Variants in CDH24 observed in about 807,000 individuals in gnomAD.
CDH24 encodes cadherin-24.
CDH24 carries 61 observed loss-of-function variants against 71.2 expected under a neutral mutation model. That is an observed-to-expected ratio of 0.86 (90% CI 0.70 to 1.06). The LOEUF (loss-of-function observed/expected upper bound fraction) is 1.06. Among genes scored for constraint, CDH24 ranks in the 50% least tolerant of loss-of-function variants. The probability of loss-of-function intolerance (pLI) is 0.00; values close to 1 mark genes in which losing one functional copy is unlikely to be tolerated. For missense variants in CDH24, 961 were observed against 1,083.7 expected, an observed-to-expected ratio of 0.89 and a Z score of 1.59; for synonymous variants, 440 against 470.2, an observed-to-expected ratio of 0.94 and a Z score of 0.83.
rs558066396 is a variant in CDH24 at position 23,049,687 on chromosome 14, G to A, written c.1537C>T (p.His513Tyr). Residue 513 changes from histidine to tyrosine, a missense_variant, in exon 10 of 13, where the codon CAT becomes TAT. Physicochemically the swap from His to Tyr is moderately conservative, Grantham distance 83. Around this residue, in one of 2 missense-constraint regions of CDH24, gnomAD observed 671 missense variants for 810.9 expected, o/e 0.83. Coordinates refer to ENST00000487137, the MANE Select transcript of CDH24 (RefSeq NM_144985.4). ...CCCAGAGGACCTTGAAAGGAGACAT[G>A]GCTACTGTTGCCAACTTCATCTCTG... ...LDRDEVGNSS[H>Y]VSFQGPLGPD... 1.2e-6 allele frequency: 2 copies of A among 1,611,866 alleles called. No individual in the cohort carries two copies. Among genetic ancestry groups the A allele is most frequent in the African/African-American group, 1.3e-5 (1 of 75,012 alleles).
intron 1 of CDH24, among the ~76,000 whole-genome samples, chr14:23,056,644 G>A (rs2047132740): frequency 6.6e-6 from 1 of 152,212 alleles, no homozygotes; most frequent in Admixed American, 6.5e-5. Context: ...GGAGTCCTAG[G>A]GGCCAGGCTT....
Position 23,055,284 on chromosome 14 carries a change from C to A in CDH24, c.271G>T (p.Val91Leu), listed in dbSNP as rs147486818. The change falls in exon 3 of 13, where the codon GTA becomes TTA. Residue 91 changes from valine (V) to leucine (L), a missense_variant. Physicochemically the swap from Val to Leu is conservative, Grantham distance 32. Transcript: ENST00000487137. This position sits in a 1 kb window ranked among gnomAD's most constrained non-coding sequence, Gnocchi z 4.1. Reference sequence around the variant, plus strand: ...CCTGTGGCCTCATCAATCACAAATACGGTGCCTGCCCCCTCCCCGGTCAAC... The same window carrying A: ...CCTGTGGCCTCATCAATCACAAATAAGGTGCCTGCCCCCTCCCCGGTCAAC... ...YLLTGEGAGT[V>L]FVIDEATGNI... 3 of 1,613,200 alleles carry A rather than the reference C, an allele frequency of 1.9e-6. No homozygotes were observed. Among genetic ancestry groups the A allele is most frequent in the Non-Finnish European group, 2.5e-6 (3 of 1,179,320 alleles).
intron 8 of CDH24, 75 bp downstream of exon 8, chr14:23,052,397 CT>C (rs2047091284): frequency 6.5e-7 from 1 of 1,538,686 alleles, no homozygotes; most frequent in African/African-American, 1.4e-5. Context: ...AGTTAGCACC[CT>C]TCTCCACCCC....
In CDH24 at chr14:23,055,664, G is replaced by C. The variant is rs745507914; in HGVS notation, c.70C>G (p.Pro24Ala). ...GWGCMGRLAA[P>A]ARAWAGSREH... is the part of the protein sequence containing the mutation. ...CGGGACCCTGCCCAGGCCCGGGCTG[G>C]GGCTGCCAGACGCCCCATGCAGCCC... The change falls in exon 2 of 13, where the codon CCA becomes GCA. Residue 24 changes from proline to alanine, a missense_variant. By Grantham distance (27) the Pro-to-Ala change is conservative. This residue lies in a region of CDH24 where 671 missense variants were observed against 810.9 expected (regional missense o/e 0.83). Transcript: ENST00000487137. The surrounding 1 kb of genome is among the most constrained non-coding windows in gnomAD (Gnocchi z 4.1). The C allele has an allele frequency of 6.2e-7, 1 of 1,608,670 alleles. No individual in the cohort carries two copies. The highest frequency in any genetic ancestry group is 8.5e-7 in the Non-Finnish European group (1 of 1,178,312).
rs2047048494 is a variant in CDH24, at chr14:23,047,347, A to C, written c.*547T>G. On this transcript the variant is annotated 3_prime_UTR_variant, in exon 13 of 13. Transcript: ENST00000487137. ...GAGCCAGGATGAGGCTGAGGCCATG[A>C]GTAATGGATGGAACCATGCAGGCAG... The C allele has an allele frequency of 6.6e-6, 1 of 152,442 alleles. No homozygotes were observed. Among genetic ancestry groups the C allele is most frequent in the Non-Finnish European group, 1.5e-5 (1 of 68,226 alleles). The allele number at this position is 152,442 out of a possible 1,614,324, so 9.4% of individuals were successfully genotyped here.
rs375343397 is a variant in CDH24 at position 23,049,939 on chromosome 14, A to T, written c.1368T>A (p.Ser456Arg). Residue 456 changes from serine (S) to arginine (R), a missense_variant, in exon 9 of 13, where the codon AGT becomes AGA. Coordinates refer to ENST00000487137, the MANE Select transcript of CDH24 (RefSeq NM_144985.4). ...CTTGCACGCGCGAGGCCTGTGCAGA[A>T]CTGTCTGAAGGCAGAACACCAAAAC... ...NLTVLATELD[S>R]SAQASRVQVA... The T allele has an allele frequency of 3.7e-6, 6 of 1,613,106 alleles. No homozygotes were observed. The highest frequency in any genetic ancestry group is 1.3e-5 in the African/African-American group (1 of 74,902).
intron 6 of CDH24, 80 bp from the exon 7 acceptor site, chr14:23,053,829 CCCT>C: frequency 7.3e-7 from 1 of 1,375,532 alleles, no homozygotes; most frequent in South Asian, 1.3e-5. Flanking sequence ...GTGACAAGTC[CCCT>C]CCTCACATGC....
chr14:23,050,057 C>A, intron 8 of CDH24, 114 bp from the exon 9 acceptor site: 1 of 1,404,626 alleles, frequency 7.1e-7, no homozygotes, highest in Non-Finnish European at 9.7e-7. Context: ...GCACAAGAAA[C>A]ACATGAAATA....
chr14:23,055,122 C>T lies in CDH24; in HGVS notation c.433G>A (p.Asp145Asn), dbSNP rs1038840312. 11 of 1,614,044 alleles carry T rather than the reference C, an allele frequency of 6.8e-6. No individual in the cohort carries two copies. Among genetic ancestry groups the T allele is most frequent in the South Asian group, 3.3e-5 (3 of 91,072 alleles). ...CCAAGGGGAAAAATGGGTGGATTGT[C>T]GTTGATGTCTTGCACTTTGATGATG... ...EFIIKVQDIN[D>N]NPPIFPLGPY... is the part of the protein sequence containing the mutation. The change falls in exon 3 of 13, where the codon GAC becomes AAC. Residue 145 changes from aspartate to asparagine, a missense_variant. Asp to Asn is a conservative substitution (Grantham distance 23). Coordinates refer to ENST00000487137, the MANE Select transcript of CDH24 (RefSeq NM_144985.4). This position sits in a 1 kb window ranked among gnomAD's most constrained non-coding sequence, Gnocchi z 4.1.
rs754773200 is a variant in CDH24 at position 23,053,577 on chromosome 14, G to A, written c.1145C>T (p.Thr382Ile). 6.2e-7 allele frequency: 1 copy of A among 1,612,686 alleles called. No individual in the cohort carries two copies. Among genetic ancestry groups the A allele is most frequent in the Non-Finnish European group, 8.5e-7 (1 of 1,179,098 alleles). ...PAFTQAAYHL[T>I]VPENKAPGTL... ...CCCCGGGGCCTTGTTCTCAGGCACT[G>A]TCAGGTGGTAGGCAGCCTGGGTGAA... The change falls in exon 7 of 13, where the codon ACA becomes ATA. Residue 382 changes from threonine to isoleucine, a missense_variant. Thr to Ile is a moderately conservative substitution (Grantham distance 89). Coordinates refer to ENST00000487137, the MANE Select transcript of CDH24 (RefSeq NM_144985.4).
intron 8 of CDH24, chr14:23,050,194 C>T (rs1021529045): frequency 2.3e-5 from 10 of 437,050 alleles, no homozygotes; most frequent in African/African-American, 2.0e-4. Context: ...AATGCCGCAC[C>T]CATGATACAC....
chr14:23,050,928 A>G (rs3764168), intron 8 of CDH24, among the ~76,000 whole-genome samples: 72,257 of 151,878 alleles, frequency 0.48, 18,458 homozygotes, highest in African/African-American at 0.66. Flanking sequence ...GATGGGGAGG[A>G]GGTCTACTTC....
chr14:23,053,484 C>A lies in CDH24; in HGVS notation c.1226+12G>T. ...CCATCTGGCTCCCCAGCCCACATCC[C>A]AGCTCACCTACCTGATTGGGCTGGC... On this transcript the variant is annotated intron_variant, in intron 7 of 12. Coordinates refer to ENST00000487137, the MANE Select transcript of CDH24 (RefSeq NM_144985.4). 1 of 1,557,882 alleles carries A rather than the reference C, an allele frequency of 6.4e-7. No homozygotes were observed. Among genetic ancestry groups the A allele is most frequent in the Non-Finnish European group, 8.7e-7 (1 of 1,145,014 alleles).
chr14:23,055,796 T>G lies in CDH24; in HGVS notation c.-63A>C. 1 of 1,409,310 alleles carries G rather than the reference T, an allele frequency of 7.1e-7. No individual in the cohort carries two copies. The highest frequency in any genetic ancestry group is 9.4e-7 in the Non-Finnish European group (1 of 1,059,794). 87.3% of individuals were successfully genotyped at this position (1,409,310 alleles called of 1,614,324 possible). On this transcript the variant is annotated 5_prime_UTR_variant, in exon 2 of 13. Coordinates refer to ENST00000487137, the MANE Select transcript of CDH24 (RefSeq NM_144985.4). This position sits in a 1 kb window ranked among gnomAD's most constrained non-coding sequence, Gnocchi z 4.1. Reference sequence around the variant, plus strand: ...GGTGCTGAGGCTGGGCCAGGCCACGTGGCCCATGAGCTGGCTGGGGTGGAG... The same window carrying G: ...GGTGCTGAGGCTGGGCCAGGCCACGGGGCCCATGAGCTGGCTGGGGTGGAG...
In CDH24 at chr14:23,049,233, G is replaced by A; in HGVS notation, c.1640C>T (p.Pro547Leu). 6.3e-7 allele frequency: 1 copy of A among 1,575,760 alleles called. No homozygotes were observed. The highest frequency in any genetic ancestry group is 8.6e-7 in the Non-Finnish European group (1 of 1,160,106). Residue 547 changes from proline (P) to leucine (L), a missense_variant, in exon 11 of 13, where the codon CCC (proline) becomes CTC (leucine). Transcript: ENST00000487137. ...SLLLPSRPAPPRHAPYLVPIE... is the reference protein window; with the variant it reads ...SLLLPSRPAPLRHAPYLVPIE... ...GGGAACCAAGTAGGGGGCATGGCGG[G>A]GTGGAGCAGGGCGGGAGGGCAGCAG...
Position 23,051,944 on chromosome 14 carries a change from C to G in CDH24, c.1363+529G>C. ...CGCATATGGAGCTGGCACTCCTCCC[C>G]TTCCTTATGGTGTCCACTCCCCTAC... On this transcript the variant is annotated intron_variant, in intron 8 of 12. Transcript: ENST00000487137. The surrounding 1 kb of genome is among the most constrained non-coding windows in gnomAD (Gnocchi z 4.4). 1 of 1,357,238 alleles carries G rather than the reference C, an allele frequency of 7.4e-7. No homozygotes were observed. Among genetic ancestry groups the G allele is most frequent in the Non-Finnish European group, 1.0e-6 (1 of 985,724 alleles). 84.1% of individuals were successfully genotyped at this position (1,357,238 alleles called of 1,614,324 possible). A position where few individuals can be genotyped will look rare whatever the true frequency, so the allele number is the denominator to read the frequency against.
rs1440412495 is a variant in CDH24, at chr14:23,048,405, G to C, written c.1921C>G (p.Arg641Gly). 1.2e-6 allele frequency: 2 copies of C among 1,612,294 alleles called. No homozygotes were observed. The highest frequency in any genetic ancestry group is 1.3e-5 in the African/African-American group (1 of 74,884). ...TCGTCGTAGGTGATGATGTTCTCTCGGACGTCCTCCTCCTCCAGTACCATC... is the reference window on the plus strand; with the variant it reads ...TCGTCGTAGGTGATGATGTTCTCTCCGACGTCCTCCTCCTCCAGTACCATC... Reference protein sequence around the residue: ...ALMVLEEEDVRENIITYDDEG... With the variant: ...ALMVLEEEDVGENIITYDDEG... The change falls in exon 12 of 13, where the codon CGA becomes GGA. Residue 641 changes from arginine (R) to glycine (G), a missense_variant. By Grantham distance (125) the Arg-to-Gly change is moderately radical. This residue lies in a region of CDH24 where 290 missense variants were observed against 272.8 expected (regional missense o/e 1.06). Coordinates refer to ENST00000487137, the MANE Select transcript of CDH24 (RefSeq NM_144985.4).
In CDH24 at chr14:23,055,206, G is replaced by A. The variant is rs150138640; in HGVS notation, c.349C>T (p.Leu117=). Residue 117 remains leucine, a synonymous_variant, in exon 3 of 13, where the codon CTA becomes TTA. Coordinates refer to ENST00000487137, the MANE Select transcript of CDH24 (RefSeq NM_144985.4). The surrounding 1 kb of genome is among the most constrained non-coding windows in gnomAD (Gnocchi z 4.1). ...GCTCGGTCCACGGCTTGGGCCAGTA[G>A]CACATATTGCGCCTTTTCCTCCCGG... ...LDREEKAQYV[L]LAQAVDRASN... is the part of the protein sequence containing the mutation. 22 of 1,614,072 alleles carry A rather than the reference G, an allele frequency of 1.4e-5. No individual in the cohort carries two copies. The African/African-American group carries it at 2.9e-4, about 22-fold the overall frequency.
Position 23,054,416 on chromosome 14 carries a change from T to TGGGGAGGA in CDH24, c.784+82_784+89dup. The TGGGGAGGA allele has an allele frequency of 6.4e-7, 1 of 1,554,468 alleles. No individual in the cohort carries two copies. Among genetic ancestry groups the TGGGGAGGA allele is most frequent in the South Asian group, 1.2e-5 (1 of 81,980 alleles). On this transcript the variant is annotated intron_variant, in intron 5 of 12. Transcript: ENST00000487137. The surrounding 1 kb of genome is among the most constrained non-coding windows in gnomAD (Gnocchi z 5.2). ...GCACTTTATTCTCCCAGGATCTGGC[T>TGGGGAGGA]GGGGAGGAGGCGAGGAGGGAAGGTT...
Sources: allele counts gnomAD v4.1 joint callset (sites outside exome capture counted in the v4.1 genomes callset), GRCh38; gene constraint gnomAD v4.1.1; regional missense constraint gnomAD v4.1.1; non-coding constraint Gnocchi (gnomAD v3.1); transcripts MANE v1.5; gene names NCBI Gene and HGNC (gene_info 2026-07-23, HGNC 2026-07-21).